CNNM2: variants seen among roughly 807,000 people sequenced by gnomAD.
CNNM2 encodes metal transporter CNNM2.
Under a neutral mutation model 66.9 loss-of-function variants are expected in CNNM2, and 12 were observed. That is an observed-to-expected ratio of 0.18 (90% CI 0.11 to 0.29). The LOEUF (loss-of-function observed/expected upper bound fraction) is 0.29. Ranked by LOEUF, CNNM2 falls within the 10% of genes least tolerant of loss-of-function variation. The probability of loss-of-function intolerance (pLI) is 1.00; values close to 1 mark genes in which losing one functional copy is unlikely to be tolerated. For synonymous variants in CNNM2, 557 were observed against 501.8 expected, an observed-to-expected ratio of 1.11 and a Z score of -1.47; for missense variants, 705 against 1,167.7, an observed-to-expected ratio of 0.60 and a Z score of 5.77.
chr10:102,922,152 G>A (rs1206923767), intron 1 of CNNM2, among the ~76,000 whole-genome samples: 2 of 152,166 alleles, frequency 1.3e-5, no homozygotes, highest in Non-Finnish European at 2.9e-5. Context: ...GATGTATTTG[G>A]TTAAGAAGAT....
intron 1 of CNNM2, among the ~76,000 whole-genome samples, chr10:102,935,588 T>G (rs1053772757): frequency 2.0e-5 from 3 of 150,552 alleles, no homozygotes; most frequent in Admixed American, 6.7e-5. Context: ...ATGAGCAGTA[T>G]GGTCCTTTAA....
intron 1 of CNNM2, among the ~76,000 whole-genome samples, chr10:102,922,467 A>G (rs1013774622): frequency 6.6e-6 from 1 of 152,086 alleles, no homozygotes; most frequent in Non-Finnish European, 1.5e-5. Flanking sequence ...GTTAACAATC[A>G]ACCTTTTATT....
At chr10:103,000,260 A>G (rs1179567007) in intron 1 of CNNM2, among the ~76,000 whole-genome samples, 1 of 151,242 alleles carries the variant, frequency 6.6e-6, no homozygotes, top group Non-Finnish European at 1.5e-5. Context: ...TAAATAAATA[A>G]ATAAATAAAT....
At chr10:103,018,428 C>T (rs745672043) in intron 1 of CNNM2, among the ~76,000 whole-genome samples, 2 of 152,054 alleles carry the variant, frequency 1.3e-5, no homozygotes, top group Non-Finnish European at 2.9e-5. Flanking sequence ...TGTATAAATC[C>T]AGAATTCAGA....
chr10:102,920,170 C>G, intron 1 of CNNM2, 69 bp downstream of exon 1: 1 of 1,613,046 alleles, frequency 6.2e-7, no homozygotes. Flanking sequence ...CTTGAGTCCT[C>G]TACCCTCAGA....
Position 103,051,131 on chromosome 10 carries a change from G to A in CNNM2, c.1765+1281G>A, listed in dbSNP as rs116476356. Among the ~76,000 whole-genome samples the A allele has an allele frequency of 2.2e-3, 337 of 152,276 alleles. 4 individuals are homozygous for A. Among genetic ancestry groups the A allele is most frequent in the African/African-American group, 7.7e-3 (319 of 41,574 alleles). ...TAAAGTCTGCTTTGCTCAAAGCAGG[G>A]TGCTTTTTATTCAGTCCTGCTAGAA... is the stretch of plus-strand genomic sequence containing the variant. On this transcript the variant is annotated intron_variant, in intron 2 of 7. Transcript: ENST00000369878.
At chr10:102,980,382 CACCTTA>C (rs969742567) in intron 1 of CNNM2, among the ~76,000 whole-genome samples, 1 of 151,702 alleles carries the variant, frequency 6.6e-6, no homozygotes, top group Non-Finnish European at 1.5e-5. Context: ...GTGATCCTCC[CACCTTA>C]GCCTCCTGAG....
intron 1 of CNNM2, among the ~76,000 whole-genome samples, chr10:102,932,250 T>C (rs1011801896): frequency 1.3e-5 from 2 of 151,982 alleles, no homozygotes; most frequent in African/African-American, 4.8e-5. Context: ...GGGGTTTTGC[T>C]ATGTGCCTAG....
At chr10:103,039,276 A>G (rs2064997147) in intron 1 of CNNM2, among the ~76,000 whole-genome samples, 2 of 152,062 alleles carry the variant, frequency 1.3e-5, no homozygotes, top group Admixed American at 1.3e-4. Flanking sequence ...AGCTGGGACT[A>G]CAGGAGTGCA....
At chr10:103,066,477 T>C (rs1256780509) in intron 4 of CNNM2, among the ~76,000 whole-genome samples, 1 of 152,160 alleles carries the variant, frequency 6.6e-6, no homozygotes, top group Admixed American at 6.5e-5. Context: ...GGAAGCAGAC[T>C]CTGTTCCTCC....
At chr10:102,999,977 T>C (rs1235389858) in intron 1 of CNNM2, among the ~76,000 whole-genome samples, 6 of 152,214 alleles carry the variant, frequency 3.9e-5, no homozygotes, top group Non-Finnish European at 7.3e-5. Flanking sequence ...GGCTCATGCC[T>C]GTAATCCCAG....
intron 1 of CNNM2, among the ~76,000 whole-genome samples, chr10:102,928,390 G>A (rs183795811): frequency 1.8e-3 from 269 of 152,012 alleles, no homozygotes; most frequent in South Asian, 1.9e-3. Flanking sequence ...TCACCAGCCT[G>A]GCCAACATGA....
At chr10:103,025,206 C>G (rs1308395322) in intron 1 of CNNM2, among the ~76,000 whole-genome samples, 2 of 152,108 alleles carry the variant, frequency 1.3e-5, no homozygotes, top group Non-Finnish European at 2.9e-5. Context: ...ATTCTCCTGC[C>G]TCAGCCTCCC....
chr10:103,020,847 A>G (rs1200091916), intron 1 of CNNM2, among the ~76,000 whole-genome samples: 1 of 152,108 alleles, frequency 6.6e-6, no homozygotes, highest in Non-Finnish European at 1.5e-5. Context: ...GCTTGTTGGA[A>G]TTGGTACTAA....
chr10:103,041,894 T>C (rs1378136625), intron 1 of CNNM2, among the ~76,000 whole-genome samples: 1 of 152,146 alleles, frequency 6.6e-6, no homozygotes, highest in African/African-American at 2.4e-5. Flanking sequence ...CTGGCTCTTT[T>C]CGCCATCCAT....
intron 1 of CNNM2, among the ~76,000 whole-genome samples, chr10:102,930,204 A>G (rs748510257): frequency 2.0e-5 from 3 of 152,258 alleles, no homozygotes; most frequent in African/African-American, 4.8e-5. Context: ...CCAACCATTC[A>G]GTGATAATCT....
At chr10:102,991,739 A>G (rs1251253117) in intron 1 of CNNM2, among the ~76,000 whole-genome samples, 1 of 152,192 alleles carries the variant, frequency 6.6e-6, no homozygotes, top group African/African-American at 2.4e-5. Flanking sequence ...GAACCACAAT[A>G]TATTACCTAG....
rs574746211 is a variant in CNNM2, at chr10:103,068,026, C to T, written c.2074-603C>T. Among the ~76,000 whole-genome samples, 176 of 152,306 alleles carry T rather than the reference C, an allele frequency of 1.2e-3. 1 individual carries two copies. Among genetic ancestry groups the T allele is most frequent in the Non-Finnish European group, 2.2e-3 (151 of 68,030 alleles). On this transcript the variant is annotated intron_variant, in intron 4 of 7. Coordinates refer to ENST00000369878, the MANE Select transcript of CNNM2 (RefSeq NM_017649.5). ...TCTGTTCCATGGCCACAAACCATGTCGGCCCTTGACCCTGATTCAGCCCCG... is the reference window on the plus strand; with the variant it reads ...TCTGTTCCATGGCCACAAACCATGTTGGCCCTTGACCCTGATTCAGCCCCG...
At chr10:102,992,291 T>TTTTTTTTTTTTTTTG (rs2063912852) in intron 1 of CNNM2, among the ~76,000 whole-genome samples, 1 of 149,194 alleles carries the variant, frequency 6.7e-6, no homozygotes, top group Non-Finnish European at 1.5e-5. Context: ...TTTTTTTTTT[T>TTTTTTTTTTTTTTTG]GAGATGCAGT....
Sources: allele counts gnomAD v4.1 joint callset (sites outside exome capture counted in the v4.1 genomes callset), GRCh38; gene constraint gnomAD v4.1.1; transcripts MANE v1.5; gene names NCBI Gene and HGNC (gene_info 2026-07-23, HGNC 2026-07-21).